The following TRIP13 variants were observed in gnomAD, a reference collection of about 807,000 sequenced individuals.
The protein encoded by TRIP13 is pachytene checkpoint protein 2 homolog.
TRIP13 carries 25 observed loss-of-function variants against 54.4 expected under a neutral mutation model. The ratio of observed to expected loss-of-function variants is 0.46; its 90% confidence interval spans 0.33 to 0.64. The LOEUF (loss-of-function observed/expected upper bound fraction) is 0.64. Ranked by LOEUF, TRIP13 falls within the 30% of genes least tolerant of loss-of-function variation. The pLI is 0.02. For missense variants in TRIP13, 373 were observed against 534.2 expected, an observed-to-expected ratio of 0.70 and a Z score of 2.97; for synonymous variants, 207 against 207.8, an observed-to-expected ratio of 1.00 and a Z score of 0.03.
At position 915,700 on chromosome 5, in the gene TRIP13, C is replaced by A. The variant is rs554819057; in HGVS notation, c.1134-204C>A. Among the ~76,000 whole-genome samples the A allele has an allele frequency of 6.6e-6, 1 of 152,274 alleles. No individual in the cohort carries two copies. The highest frequency in any genetic ancestry group is 2.4e-5 in the African/African-American group (1 of 41,556). Reference sequence around the variant, plus strand: ...GCTGAGGATGGGGAGAGACCGGCCCCATACGAGAGGCCGGGGGCAAAGAGA... The same window carrying A: ...GCTGAGGATGGGGAGAGACCGGCCCAATACGAGAGGCCGGGGGCAAAGAGA... On this transcript the variant is annotated intron_variant, in intron 11 of 12. Coordinates refer to ENST00000166345, the MANE Select transcript of TRIP13 (RefSeq NM_004237.4). The surrounding 1 kb of genome is among the most constrained non-coding windows in gnomAD (Gnocchi z 4.2).
intron 9 of TRIP13, among the ~76,000 whole-genome samples, chr5:909,997 GC>G (rs1204176583): frequency 2.6e-5 from 4 of 152,218 alleles, no homozygotes; most frequent in African/African-American, 9.6e-5. Flanking sequence ...TTTTGTTATG[GC>G]CAGTTTTGGG....
chr5:906,487 G>GA (rs1418177082), intron 6 of TRIP13, among the ~76,000 whole-genome samples: 1 of 152,058 alleles, frequency 6.6e-6, no homozygotes, highest in Non-Finnish European at 1.5e-5. Context: ...TTTTTTACGT[G>GA]GAATGCCAGT....
Position 908,450 on chromosome 5 carries a change from T to C in TRIP13, c.855T>C (p.Asp285=). Reference sequence around the variant, plus strand: ...TCAATGCTGTCTTGACCCAAATTGATCAGATTAAAAGGTAACCAGGACATG... The same window carrying C: ...TCAATGCTGTCTTGACCCAAATTGACCAGATTAAAAGGTAACCAGGACATG... ...RVVNAVLTQI[D]QIKRHSNVVI... Residue 285 remains aspartate (D), a synonymous_variant, in exon 9 of 13, where the codon GAT becomes GAC. Coordinates refer to ENST00000166345, the MANE Select transcript of TRIP13 (RefSeq NM_004237.4). The surrounding 1 kb of genome is among the most constrained non-coding windows in gnomAD (Gnocchi z 5.2). The C allele has an allele frequency of 1.2e-6, 2 of 1,613,660 alleles. No individual in the cohort carries two copies. Among genetic ancestry groups the C allele is most frequent in the Non-Finnish European group, 1.7e-6 (2 of 1,180,008 alleles).
chr5:911,799 C>T lies in TRIP13; in HGVS notation c.867-44C>T, dbSNP rs766357502. The T allele has an allele frequency of 1.9e-6, 3 of 1,578,678 alleles. No homozygotes were observed. The highest frequency in any genetic ancestry group is 2.6e-6 in the Non-Finnish European group (3 of 1,161,776). ...ATAGGGCAGGATAGAATTGGGTCAC[C>T]GACAGCCGTGATGACTGTGGTGCTT... On this transcript the variant is annotated intron_variant, in intron 9 of 12. Coordinates refer to ENST00000166345, the MANE Select transcript of TRIP13 (RefSeq NM_004237.4). The surrounding 1 kb of genome is among the most constrained non-coding windows in gnomAD (Gnocchi z 4.7).
rs1051334811 is a variant in TRIP13, at chr5:908,610, T to C, written c.866+149T>C. On this transcript the variant is annotated intron_variant, in intron 9 of 12. Transcript: ENST00000166345. This position sits in a 1 kb window ranked among gnomAD's most constrained non-coding sequence, Gnocchi z 5.2. The stretch of plus-strand genomic sequence containing the variant: ...ATTGAGTATCGACTCCTTTTCCACA[T>C]TGGAAGCAGCATATCACAAATGCTT... 35 of 1,472,732 alleles carry C rather than the reference T, an allele frequency of 2.4e-5. No homozygotes were observed. In the Middle Eastern group the frequency reaches 5.3e-4, roughly 22 times the overall value. The allele number at this position is 1,472,732 out of a possible 1,614,324, so 91.2% of individuals were successfully genotyped here.
chr5:909,320 C>T (rs1351556896), intron 9 of TRIP13, among the ~76,000 whole-genome samples: 1 of 152,210 alleles, frequency 6.6e-6, no homozygotes, highest in Non-Finnish European at 1.5e-5. Context: ...TGGTGCTCAG[C>T]CAGGACTCAG....
chr5:910,701 T>G (rs983763561), intron 9 of TRIP13, among the ~76,000 whole-genome samples: 1 of 152,166 alleles, frequency 6.6e-6, no homozygotes, highest in Non-Finnish European at 1.5e-5. Context: ...AGAGGACTCT[T>G]TCTGTCCCCC....
At chr5:905,512 C>T (rs1434387954) in intron 6 of TRIP13, among the ~76,000 whole-genome samples, 2 of 152,194 alleles carry the variant, frequency 1.3e-5, no homozygotes, top group Non-Finnish European at 2.9e-5. Context: ...TCTGTCTCCT[C>T]GACTCAGCGA....
chr5:916,921 C>A, intron 12 of TRIP13, 87 bp from the exon 13 acceptor site: 1 of 1,200,986 alleles, frequency 8.3e-7, no homozygotes. Context: ...GCTATCTGCA[C>A]TGTGGGTGGC....
intron 5 of TRIP13, 22 bp downstream of exon 5, chr5:901,453 T>C (rs186292871): frequency 4.6e-4 from 745 of 1,611,242 alleles, no homozygotes; most frequent in Non-Finnish European, 6.1e-4. Flanking sequence ...AGGCTTTTAT[T>C]TGACCAGATA....
intron 12 of TRIP13, 34 bp downstream of exon 12, chr5:916,007 C>T (rs1387572507): frequency 1.2e-6 from 2 of 1,604,256 alleles, no homozygotes; most frequent in Non-Finnish European, 1.7e-6. Context: ...AGCACCCGCC[C>T]TGTCCACAGG....
chr5:909,484 C>T (rs1044786758), intron 9 of TRIP13, among the ~76,000 whole-genome samples: 3 of 152,148 alleles, frequency 2.0e-5, no homozygotes, highest in East Asian at 1.9e-4. Flanking sequence ...CCACAGAGAG[C>T]GTATCTGGCT....
intron 10 of TRIP13, 107 bp from the exon 11 acceptor site, chr5:914,358 C>T (rs1579204346): frequency 5.5e-6 from 4 of 730,546 alleles, no homozygotes; most frequent in Non-Finnish European, 9.6e-6. Flanking sequence ...TTCTGTGAGA[C>T]GTGGCGTGGT....
chr5:905,970 C>T (rs1322587349), intron 6 of TRIP13, among the ~76,000 whole-genome samples: 1 of 152,208 alleles, frequency 6.6e-6, no homozygotes, highest in East Asian at 1.9e-4. Context: ...AATCCCAGCG[C>T]TTTGGGAGGC....
chr5:901,511 G>T, intron 5 of TRIP13, 80 bp downstream of exon 5: 1 of 1,363,514 alleles, frequency 7.3e-7, no homozygotes, highest in African/African-American at 1.4e-5. Context: ...CTTCTGCAAG[G>T]AGTTACGGCT....
rs1580056546 is a variant in TRIP13 at position 907,008 on chromosome 5, AGTAATT to A, written c.609-115_609-110del. ...GGGCTGGATTCCTCAATTCTTTGTC[AGTAATT>A]GTAATTCCCCCGATGCTGGGCACTT... On this transcript the variant is annotated intron_variant, in intron 6 of 12. Coordinates refer to ENST00000166345, the MANE Select transcript of TRIP13 (RefSeq NM_004237.4). The surrounding 1 kb of genome is among the most constrained non-coding windows in gnomAD (Gnocchi z 4.1). 8.1e-6 allele frequency: 6 copies of A among 744,412 alleles called. No homozygotes were observed. The East Asian group carries it at 1.5e-4, about 19-fold the overall frequency. 46.1% of individuals were successfully genotyped at this position (744,412 alleles called of 1,614,324 possible).
At chr5:896,269 G>C (rs190482008) in intron 2 of TRIP13, among the ~76,000 whole-genome samples, 1 of 152,188 alleles carries the variant, frequency 6.6e-6, no homozygotes, top group Non-Finnish European at 1.5e-5. Context: ...AGCTGTGATC[G>C]TGCTGCTGCA....
In TRIP13 at chr5:901,444, G is replaced by C. The variant is rs779280464; in HGVS notation, c.535+13G>C. The C allele has an allele frequency of 8.7e-6, 14 of 1,612,680 alleles. No individual in the cohort carries two copies. The highest frequency in any genetic ancestry group is 8.5e-7 in the Non-Finnish European group (1 of 1,179,420). ...GTGCTGCTCCACGGTAAATTATGCA[G>C]GCTTTTATTTGACCAGATAAGTGGC... On this transcript the variant is annotated intron_variant, in intron 5 of 12. Coordinates refer to ENST00000166345, the MANE Select transcript of TRIP13 (RefSeq NM_004237.4).
At chr5:902,163 G>A (rs1241504920) in intron 5 of TRIP13, among the ~76,000 whole-genome samples, 1 of 152,170 alleles carries the variant, frequency 6.6e-6, no homozygotes, top group African/African-American at 2.4e-5. Context: ...TTCTTCTCAG[G>A]AGAAAATACT....
Sources: gnomAD v4.1 joint callset for allele counts (sites outside exome capture counted in the v4.1 genomes callset) on GRCh38, gnomAD v4.1.1 for gene constraint, Gnocchi (gnomAD v3.1) non-coding constraint, MANE v1.5 for transcripts, NCBI Gene and HGNC (gene_info 2026-07-23, HGNC 2026-07-21) for gene names.